Variants in KIF13A observed in about 807,000 individuals in gnomAD.
The protein encoded by KIF13A is kinesin-like protein KIF13A.
In KIF13A, 79 loss-of-function variants were observed where a neutral mutation model predicts 212.2. The observed-to-expected ratio is 0.37, with a 90% CI of 0.31 to 0.45. KIF13A has a LOEUF of 0.45. KIF13A is among the 20% of genes least tolerant of loss of function. The pLI, the probability that KIF13A is intolerant of heterozygous loss-of-function variation, is 1.00. For synonymous variants in KIF13A, 789 were observed against 808.6 expected (o/e 0.98, Z 0.41); for missense variants, 1,901 against 2,209.0 (o/e 0.86, Z 2.79).
At position 17,773,547 on chromosome 6, in the gene KIF13A, T is replaced by G; in HGVS notation, c.4255A>C (p.Ser1419Arg). 6.2e-7 allele frequency: 1 copy of G among 1,612,094 alleles called. No individual in the cohort carries two copies. The highest frequency in any genetic ancestry group is 8.5e-7 in the Non-Finnish European group (1 of 1,178,534). The change falls in exon 36 of 39, where the codon AGC (serine) becomes CGC (arginine). Residue 1419 changes from serine (S) to arginine (R), a missense_variant. Physicochemically the swap from Ser to Arg is moderately radical, Grantham distance 110. Around this residue, in one of 5 missense-constraint regions of KIF13A, gnomAD observed 687 missense variants for 759.1 expected, o/e 0.90. Coordinates refer to ENST00000259711, the MANE Select transcript of KIF13A (RefSeq NM_022113.6). The surrounding 1 kb of genome is among the most constrained non-coding windows in gnomAD (Gnocchi z 4.2). Reference sequence around the variant, plus strand: ...CATGCTACATCTTGGTAACTGGAGCTATAGTCAGACATGTCCAACTGGTTC... The same window carrying G: ...CATGCTACATCTTGGTAACTGGAGCGATAGTCAGACATGTCCAACTGGTTC... ...PENQLDMSDY[S>R]SSYQDVACYG...
chr6:17,895,638 A>G lies in KIF13A; in HGVS notation c.159+2530T>C, dbSNP rs1772493061. Reference sequence around the variant, plus strand: ...CCTCTGGAAGGACTTGAACTCCAGTACTTTGTCCTCCTCAGCCCCACAAAG... The same window carrying G: ...CCTCTGGAAGGACTTGAACTCCAGTGCTTTGTCCTCCTCAGCCCCACAAAG... On this transcript the variant is annotated intron_variant, in intron 3 of 38. Coordinates refer to ENST00000259711, the MANE Select transcript of KIF13A (RefSeq NM_022113.6). This position sits in a 1 kb window ranked among gnomAD's most constrained non-coding sequence, Gnocchi z 4.4. Among the ~76,000 whole-genome samples, 1 of 152,208 alleles carries G rather than the reference A, an allele frequency of 6.6e-6. No individual in the cohort carries two copies. The highest frequency in any genetic ancestry group is 6.5e-5 in the Admixed American group (1 of 15,282).
chr6:17,875,362 T>G (rs1331419178), intron 3 of KIF13A, among the ~76,000 whole-genome samples: 1 of 152,176 alleles, frequency 6.6e-6, no homozygotes, highest in Non-Finnish European at 1.5e-5. Context: ...ACTTTCTGTA[T>G]AGCTACTGAA....
intron 6 of KIF13A, among the ~76,000 whole-genome samples, chr6:17,853,788 G>C (rs554664094): frequency 1.3e-5 from 2 of 152,162 alleles, no homozygotes; most frequent in Non-Finnish European, 2.9e-5. Context: ...TAAAGAAGAG[G>C]AAGAGAATGC....
intron 2 of KIF13A, among the ~76,000 whole-genome samples, chr6:17,938,531 A>T (rs1260389247): frequency 6.6e-6 from 1 of 152,178 alleles, no homozygotes; most frequent in Non-Finnish European, 1.5e-5. Context: ...CTAACGAAGA[A>T]TTGGGCTTAT....
intron 9 of KIF13A, among the ~76,000 whole-genome samples, chr6:17,846,604 TAAAAAAAAA>T (rs11431431): frequency 1.6e-5 from 2 of 127,038 alleles, no homozygotes; most frequent in Admixed American, 8.3e-5. Context: ...CCCATTTCTT[TAAAAAAAAA>T]AAAAAAAAAA....
At chr6:17,880,581 T>C (rs1357706055) in intron 3 of KIF13A, among the ~76,000 whole-genome samples, 1 of 132,616 alleles carries the variant, frequency 7.5e-6, no homozygotes, top group Non-Finnish European at 1.5e-5. Context: ...TGAGCCAAGA[T>C]CGCACCATTG....
chr6:17,818,869 C>T (rs1035845533), intron 16 of KIF13A, among the ~76,000 whole-genome samples: 1 of 151,986 alleles, frequency 6.6e-6, no homozygotes, highest in African/African-American at 2.4e-5. Context: ...AATTAGTATT[C>T]TGTGAAAGAG....
chr6:17,951,915 C>G lies in KIF13A; in HGVS notation c.146+35139G>C, dbSNP rs1777877921. 1.3e-5 allele frequency among the ~76,000 whole-genome samples: 2 copies of G among 151,970 alleles called. No homozygotes were observed. The highest frequency in any genetic ancestry group is 4.8e-5 in the African/African-American group (2 of 41,350). On this transcript the variant is annotated intron_variant, in intron 2 of 38. Coordinates refer to ENST00000259711, the MANE Select transcript of KIF13A (RefSeq NM_022113.6). This position sits in a 1 kb window ranked among gnomAD's most constrained non-coding sequence, Gnocchi z 4.9. ...TCTTAAAAGAATTTTTTGTAGCCTT[C>G]CAAAAAATACCTTTATTTACAATTT...
Position 17,808,693 on chromosome 6 carries a change from G to A in KIF13A, c.2163+75C>T, listed in dbSNP as rs529786911. 35 of 1,390,682 alleles carry A rather than the reference G, an allele frequency of 2.5e-5. No homozygotes were observed. In the South Asian group the frequency reaches 4.7e-4, roughly 19 times the overall value. 86.1% of individuals were successfully genotyped at this position (1,390,682 alleles called of 1,614,324 possible). A position where few individuals can be genotyped will look rare whatever the true frequency, so the allele number is the denominator to read the frequency against. ...AGGATCTCCTCAGGCATGTTTCTGG[G>A]GTTTCAGTTTTAGATCCTATTTTAC... On this transcript the variant is annotated intron_variant, in intron 18 of 38. Transcript: ENST00000259711.
rs79609529 is a variant in KIF13A at position 17,918,257 on chromosome 6, G to C, written c.147-20077C>G. On this transcript the variant is annotated intron_variant, in intron 2 of 38. Coordinates refer to ENST00000259711, the MANE Select transcript of KIF13A (RefSeq NM_022113.6). This position sits in a 1 kb window ranked among gnomAD's most constrained non-coding sequence, Gnocchi z 4.8. Reference sequence around the variant, plus strand: ...TATCGGGTCTGGCATAGTGCTTGACGTGCAGCAGAGGATAAATGTTTACTG... The same window carrying C: ...TATCGGGTCTGGCATAGTGCTTGACCTGCAGCAGAGGATAAATGTTTACTG... 1.3e-5 allele frequency among the ~76,000 whole-genome samples: 2 copies of C among 152,008 alleles called. No homozygotes were observed. Among genetic ancestry groups the C allele is most frequent in the African/African-American group, 2.4e-5 (1 of 41,352 alleles).
In KIF13A at chr6:17,934,923, C is replaced by G. The variant is rs143235215; in HGVS notation, c.147-36743G>C. On this transcript the variant is annotated intron_variant, in intron 2 of 38. Coordinates refer to ENST00000259711, the MANE Select transcript of KIF13A (RefSeq NM_022113.6). The surrounding 1 kb of genome is among the most constrained non-coding windows in gnomAD (Gnocchi z 5.4). ...ATCAGTTTCACAAGGGTCCCTTTACCTTGCAGTGAGGCAGATCCTGTATTG... is the reference window on the plus strand; with the variant it reads ...ATCAGTTTCACAAGGGTCCCTTTACGTTGCAGTGAGGCAGATCCTGTATTG... 2.3e-3 allele frequency among the ~76,000 whole-genome samples: 357 copies of G among 152,246 alleles called. No homozygotes were observed. The highest frequency in any genetic ancestry group is 0.01 in the Middle Eastern group (3 of 292).
At chr6:17,851,505 G>A (rs767571805) in intron 7 of KIF13A, among the ~76,000 whole-genome samples, 5 of 152,174 alleles carry the variant, frequency 3.3e-5, no homozygotes, top group Non-Finnish European at 7.4e-5. Flanking sequence ...AAGTCAAAGA[G>A]TAAATAAAGT....
At chr6:17,818,998 CTTTTT>C (rs11438528) in intron 16 of KIF13A, among the ~76,000 whole-genome samples, 2 of 123,416 alleles carry the variant, frequency 1.6e-5, no homozygotes, top group Non-Finnish European at 1.6e-5. Flanking sequence ...AAATATATCA[CTTTTT>C]TTTTTTTTTT....
At chr6:17,962,548 C>A (rs376561504) in intron 2 of KIF13A, among the ~76,000 whole-genome samples, 4 of 152,134 alleles carry the variant, frequency 2.6e-5, no homozygotes, top group African/African-American at 9.6e-5. Context: ...AGAGGCTCCA[C>A]TTGAAAGAGG....
At chr6:17,821,118 C>T (rs1391828946) in intron 16 of KIF13A, among the ~76,000 whole-genome samples, 15 of 152,144 alleles carry the variant, frequency 9.9e-5, no homozygotes, top group Admixed American at 9.8e-4. Flanking sequence ...ACTTTGGCTT[C>T]CCAAAGTGCT....
chr6:17,822,575 C>T (rs561384631), intron 16 of KIF13A, among the ~76,000 whole-genome samples: 2 of 152,136 alleles, frequency 1.3e-5, no homozygotes, highest in Non-Finnish European at 1.5e-5. Context: ...CCTGTGATCT[C>T]GGAGGGCTAA....
chr6:17,955,135 G>GT (rs1778244108), intron 2 of KIF13A, among the ~76,000 whole-genome samples: 1 of 152,194 alleles, frequency 6.6e-6, no homozygotes, highest in Non-Finnish European at 1.5e-5. Context: ...TGGCCTACAA[G>GT]TATTACTATA....
chr6:17,879,789 T>G (rs1426391749), intron 3 of KIF13A, among the ~76,000 whole-genome samples: 2 of 152,208 alleles, frequency 1.3e-5, no homozygotes, highest in Admixed American at 6.5e-5. Context: ...CTTCCTTTCA[T>G]GCCAAAATGT....
rs1319077902 is a variant in KIF13A at position 17,831,292 on chromosome 6, T to G, written c.1267-57A>C. The stretch of plus-strand genomic sequence containing the variant: ...TCTGTTTGTTGTTCTATTCACAAGA[T>G]GTATCCACGGAAAGAGTAAGTCACT... On this transcript the variant is annotated intron_variant, in intron 12 of 38. Transcript: ENST00000259711. 3 of 1,573,694 alleles carry G rather than the reference T, an allele frequency of 1.9e-6. No individual in the cohort carries two copies. The Admixed American group carries it at 5.6e-5, about 29-fold the overall frequency.
Sources: allele counts gnomAD v4.1 joint callset (sites outside exome capture counted in the v4.1 genomes callset), GRCh38; gene constraint gnomAD v4.1.1; regional missense constraint gnomAD v4.1.1; non-coding constraint Gnocchi (gnomAD v3.1); transcripts MANE v1.5; gene names NCBI Gene and HGNC (gene_info 2026-07-23, HGNC 2026-07-21).